DOCK9: variants seen among roughly 807,000 people sequenced by gnomAD.
DOCK9 encodes the protein dedicator of cytokinesis protein 9.
Under a neutral mutation model 263.3 loss-of-function variants are expected in DOCK9, and 89 were observed. The ratio of observed to expected loss-of-function variants is 0.34; its 90% CI spans 0.28 to 0.40. The LOEUF (loss-of-function observed/expected upper bound fraction) is 0.40. DOCK9 is among the 10% of genes least tolerant of loss of function. The pLI is 1.00. For missense variants in DOCK9, 2,140 were observed against 2,603.4 expected, an observed-to-expected ratio of 0.82 and a Z score of 3.87; for synonymous variants, 976 against 973.1, an observed-to-expected ratio of 1.00 and a Z score of -0.06.
chr13:98,970,780 C>T (rs1312383580), intron 1 of DOCK9, among the ~76,000 whole-genome samples: 2 of 152,158 alleles, frequency 1.3e-5, no homozygotes, highest in East Asian at 1.9e-4. Context: ...ATTTCCAATC[C>T]TTCTTGGTTC....
intron 52 of DOCK9, 130 bp downstream of exon 52, chr13:98,796,985 G>T (rs139682716): frequency 4.3e-6 from 4 of 934,264 alleles, no homozygotes; most frequent in Non-Finnish European, 4.9e-6. Context: ...CATGGCAGGA[G>T]TGTGGTATGC....
At chr13:98,942,715 T>C (rs1026332950) in intron 2 of DOCK9, among the ~76,000 whole-genome samples, 4 of 152,198 alleles carry the variant, frequency 2.6e-5, no homozygotes, top group African/African-American at 9.7e-5. Flanking sequence ...TGTGCAGACT[T>C]GATAAAGTGT....
chr13:98,807,375 C>T (rs1226038086), intron 48 of DOCK9, among the ~76,000 whole-genome samples: 1 of 152,180 alleles, frequency 6.6e-6, no homozygotes, highest in Admixed American at 6.5e-5. Flanking sequence ...CCACGGGCCT[C>T]ATTCTGTCAG....
chr13:99,087,160 C>A (rs908432614), upstream of DOCK9, among the ~76,000 whole-genome samples: 2 of 152,012 alleles, frequency 1.3e-5, no homozygotes, highest in African/African-American at 4.8e-5. Flanking sequence ...GACGGAGCGT[C>A]CCTGCTCGGA....
chr13:98,970,377 A>T (rs1006610582), intron 1 of DOCK9, among the ~76,000 whole-genome samples: 5 of 152,222 alleles, frequency 3.3e-5, no homozygotes, highest in African/African-American at 1.2e-4. Context: ...GTGGTAGTGG[A>T]ACAGGCAGTC....
chr13:98,810,908 T>A (rs2091241124), intron 45 of DOCK9, among the ~76,000 whole-genome samples: 1 of 152,208 alleles, frequency 6.6e-6, no homozygotes, highest in Non-Finnish European at 1.5e-5. Context: ...GCCACAGTCA[T>A]TGCTTCATCG....
intron 30 of DOCK9, among the ~76,000 whole-genome samples, chr13:98,864,782 G>A (rs2141994926): frequency 6.6e-6 from 1 of 152,214 alleles, no homozygotes; most frequent in East Asian, 1.9e-4. Context: ...CCTGGTGGGA[G>A]GTGTTTGGGT....
chr13:98,903,809 G>T (rs2048692179), intron 10 of DOCK9, among the ~76,000 whole-genome samples: 1 of 152,098 alleles, frequency 6.6e-6, no homozygotes, highest in South Asian at 2.1e-4. Flanking sequence ...GCCACAGAAA[G>T]GAAGGAAATT....
At chr13:98,951,188 A>G (rs905724688) in intron 2 of DOCK9, among the ~76,000 whole-genome samples, 23 of 152,228 alleles carry the variant, frequency 1.5e-4, no homozygotes, top group African/African-American at 5.5e-4. Flanking sequence ...ATAAAGGTTT[A>G]TTAATCACTA....
intron 2 of DOCK9, among the ~76,000 whole-genome samples, chr13:98,935,277 C>A (rs1390420568): frequency 6.6e-6 from 1 of 152,058 alleles, no homozygotes; most frequent in Non-Finnish European, 1.5e-5. Context: ...TAACTCTTTG[C>A]CAATAAATAA....
intron 44 of DOCK9, among the ~76,000 whole-genome samples, 179 bp from the exon 45 acceptor site, chr13:98,824,683 T>C (rs544726318): frequency 2.0e-4 from 31 of 152,328 alleles, no homozygotes; most frequent in Admixed American, 1.5e-3. Flanking sequence ...TTCTTCCCTA[T>C]AGTGAACCCT....
At chr13:98,935,866 C>T (rs1469524511) in intron 2 of DOCK9, among the ~76,000 whole-genome samples, 1 of 152,148 alleles carries the variant, frequency 6.6e-6, no homozygotes, top group African/African-American at 2.4e-5. Flanking sequence ...CCAATGGGGC[C>T]GTCAATGTTT....
chr13:98,861,336 G>A (rs1403981784), intron 32 of DOCK9, among the ~76,000 whole-genome samples: 22 of 152,224 alleles, frequency 1.4e-4, no homozygotes, highest in Middle Eastern at 6.8e-3. Context: ...GGGGTGGGAC[G>A]GAGGGACAGA....
chr13:98,795,485 T>G (rs1594059443), intron 52 of DOCK9, among the ~76,000 whole-genome samples: 1 of 152,328 alleles, frequency 6.6e-6, no homozygotes, highest in African/African-American at 2.4e-5. Flanking sequence ...TTCACAGCTG[T>G]TGGCATAATG....
At chr13:98,917,856 G>A (rs910106360) in intron 7 of DOCK9, among the ~76,000 whole-genome samples, 1 of 152,140 alleles carries the variant, frequency 6.6e-6, no homozygotes, top group Non-Finnish European at 1.5e-5. Context: ...CCTTTGAGCC[G>A]GGGGTTCCAC....
chr13:98,825,852 G>T lies in DOCK9; in HGVS notation c.5023+978C>A, dbSNP rs538071608. On this transcript the variant is annotated intron_variant, in intron 44 of 52. Transcript: ENST00000682017. The surrounding 1 kb of genome is among the most constrained non-coding windows in gnomAD (Gnocchi z 4.1). ...CCAGGGCAGGGGGTCCCCGGGGGCTGGGCTGATCCTCAGGCTCACCTCCCC... is the reference window on the plus strand; with the variant it reads ...CCAGGGCAGGGGGTCCCCGGGGGCTTGGCTGATCCTCAGGCTCACCTCCCC... The T allele has an allele frequency of 1.3e-6, 2 of 1,500,024 alleles. No homozygotes were observed. Among genetic ancestry groups the T allele is most frequent in the Non-Finnish European group, 1.8e-6 (2 of 1,120,298 alleles). 92.9% of individuals were successfully genotyped at this position (1,500,024 alleles called of 1,614,324 possible).
chr13:98,825,753 T>G lies in DOCK9; in HGVS notation c.5023+1077A>C. The G allele has an allele frequency of 3.3e-6, 2 of 606,570 alleles. No homozygotes were observed. Among genetic ancestry groups the G allele is most frequent in the Non-Finnish European group, 5.2e-6 (2 of 381,152 alleles). 37.6% of individuals were successfully genotyped at this position (606,570 alleles called of 1,614,324 possible). On this transcript the variant is annotated intron_variant, in intron 44 of 52. Transcript: ENST00000682017. This position sits in a 1 kb window ranked among gnomAD's most constrained non-coding sequence, Gnocchi z 4.1. Reference sequence around the variant, plus strand: ...ACCAGCCAACCAGAGAGCCACAGAGTAGGAGGGAAGGAGAGTGAAGTCTGT... The same window carrying G: ...ACCAGCCAACCAGAGAGCCACAGAGGAGGAGGGAAGGAGAGTGAAGTCTGT...
intron 1 of DOCK9, among the ~76,000 whole-genome samples, chr13:99,018,012 T>C (rs1314569148): frequency 3.3e-5 from 5 of 152,090 alleles, no homozygotes; most frequent in South Asian, 2.1e-4. Flanking sequence ...CAATCATATC[T>C]CAATAAAGCT....
chr13:99,081,884 T>C (rs2042133662), intron 1 of DOCK9, among the ~76,000 whole-genome samples: 1 of 152,168 alleles, frequency 6.6e-6, no homozygotes, highest in East Asian at 1.9e-4. Context: ...TACCAAACAT[T>C]ATAAATTACT....
Sources: gnomAD v4.1 joint callset for allele counts (sites outside exome capture counted in the v4.1 genomes callset) on GRCh38, gnomAD v4.1.1 for gene constraint, Gnocchi (gnomAD v3.1) non-coding constraint, MANE v1.5 for transcripts, NCBI Gene and HGNC (gene_info 2026-07-23, HGNC 2026-07-21) for gene names.